Variants in ABCB9 observed in about 807,000 individuals in gnomAD.
ABCB9 encodes the protein ATP binding cassette subfamily B member 9.
In ABCB9, 36 loss-of-function variants were observed where a neutral mutation model predicts 62.0. The observed-to-expected ratio is 0.58, with a 90% confidence interval of 0.45 to 0.77. The LOEUF (loss-of-function observed/expected upper bound fraction) is 0.77. Among genes scored for constraint, ABCB9 ranks in the 30% least tolerant of loss-of-function variants. ABCB9 has a pLI of 0.00. For synonymous variants in ABCB9, 435 were observed against 461.4 expected (o/e 0.94, Z 0.73); for missense variants, 943 against 1,054.7 (o/e 0.89, Z 1.47).
chr12:122,950,567 T>G lies in ABCB9; in HGVS notation c.602-2A>C, dbSNP rs1368778230. On this transcript the variant is annotated splice_acceptor_variant, in intron 2 of 11. Coordinates refer to ENST00000280560, the MANE Select transcript of ABCB9 (RefSeq NM_019625.4). LOFTEE classifies it high-confidence loss of function. ...TGTAGTAGGGCAGGAAGGTCTCTCC[T>G]GGGGGAGGCAGGGCAGCCTCAGGGA... The G allele has an allele frequency of 6.2e-7, 1 of 1,610,482 alleles. No individual in the cohort carries two copies. The highest frequency in any genetic ancestry group is 1.3e-5 in the African/African-American group (1 of 74,914).
rs976837804 is a variant in ABCB9 at position 122,947,378 on chromosome 12, G to C, written c.1054-1156C>G. On this transcript the variant is annotated intron_variant, in intron 5 of 11. Transcript: ENST00000280560. The surrounding 1 kb of genome is among the most constrained non-coding windows in gnomAD (Gnocchi z 6.0). ...GTGGCTGGAGAAGACTGTGGGGAGT[G>C]GCCTCACCGGGGGCTGGGTGGGAGA... The C allele has an allele frequency of 5.1e-6, 2 of 392,422 alleles. No homozygotes were observed. Among genetic ancestry groups the C allele is most frequent in the African/African-American group, 4.1e-5 (2 of 48,920 alleles). 24.3% of individuals were successfully genotyped at this position (392,422 alleles called of 1,614,324 possible). A position where few individuals can be genotyped will look rare whatever the true frequency, so the allele number is the denominator to read the frequency against.
Position 122,944,023 on chromosome 12 carries a change from C to T in ABCB9, c.1380+368G>A, listed in dbSNP as rs2035903733. ...GTGCGATCTCAGCTCACTGCAACCT[C>T]TGCCTCCAGGGTTCAAGCAATTCTC... is the stretch of plus-strand genomic sequence containing the variant. On this transcript the variant is annotated intron_variant, in intron 7 of 11. Transcript: ENST00000280560. This position sits in a 1 kb window ranked among gnomAD's most constrained non-coding sequence, Gnocchi z 4.9. Among the ~76,000 whole-genome samples the T allele has an allele frequency of 6.6e-6, 1 of 152,220 alleles. No individual in the cohort carries two copies. The highest frequency in any genetic ancestry group is 6.5e-5 in the Admixed American group (1 of 15,276).
chr12:122,943,123 T>C (rs2035852514), intron 7 of ABCB9, among the ~76,000 whole-genome samples: 1 of 152,160 alleles, frequency 6.6e-6, no homozygotes. Flanking sequence ...CCTTGAGCAA[T>C]GGCTGATGGC....
At position 122,944,585 on chromosome 12, in the gene ABCB9, G is replaced by T; in HGVS notation, c.1252-66C>A. On this transcript the variant is annotated intron_variant, in intron 6 of 11. Transcript: ENST00000280560. This position sits in a 1 kb window ranked among gnomAD's most constrained non-coding sequence, Gnocchi z 4.9. ...AGATCCCCCACCATCCCCATTCCCT[G>T]ACCCATCCCAGGCTGCAGGGGGAGG... 6.3e-7 allele frequency: 1 copy of T among 1,586,990 alleles called. No individual in the cohort carries two copies. Among genetic ancestry groups the T allele is most frequent in the South Asian group, 1.1e-5 (1 of 88,874 alleles).
At chr12:122,922,763 T>C (rs2034780569) in intron 11 of ABCB9, among the ~76,000 whole-genome samples, 1 of 152,096 alleles carries the variant, frequency 6.6e-6, no homozygotes, top group African/African-American at 2.4e-5. Context: ...CCAACATGAA[T>C]TGGTTGTGTA....
chr12:122,960,032 C>G lies in ABCB9; in HGVS notation c.204G>C (p.Val68=). 1 of 1,613,486 alleles carries G rather than the reference C, an allele frequency of 6.2e-7. No homozygotes were observed. The highest frequency in any genetic ancestry group is 8.5e-7 in the Non-Finnish European group (1 of 1,180,044). Reference sequence around the variant, plus strand: ...GGGGCCCCAGCGCACTGTTCTTGGCCACACCAATGGTGGCTCCCAGCAGCA... The same window carrying G: ...GGGGCCCCAGCGCACTGTTCTTGGCGACACCAATGGTGGCTCCCAGCAGCA... ...SCLLLGATIG[V]AKNSALGPRR... The change falls in exon 2 of 12, where the codon GTG becomes GTC. Residue 68 remains valine, a synonymous_variant. Coordinates refer to ENST00000280560, the MANE Select transcript of ABCB9 (RefSeq NM_019625.4).
In ABCB9 at chr12:122,946,172, C is replaced by T. The variant is rs372668171; in HGVS notation, c.1104G>A (p.Ala368=). Residue 368 remains alanine (A), a synonymous_variant, in exon 6 of 12, where the codon GCG becomes GCA. Coordinates refer to ENST00000280560, the MANE Select transcript of ABCB9 (RefSeq NM_019625.4). The part of the protein sequence containing the change: ...QNALARASNT[A]EETISAMKTV... Reference sequence around the variant, plus strand: ...TCTTCATGGCACTGATGGTCTCCTCCGCCGTGTTGCTCGCTCTGGCCAGGG... The same window carrying T: ...TCTTCATGGCACTGATGGTCTCCTCTGCCGTGTTGCTCGCTCTGGCCAGGG... 3.5e-5 allele frequency: 57 copies of T among 1,614,036 alleles called. No homozygotes were observed. In the East Asian group the frequency reaches 6.7e-4, roughly 19 times the overall value.
intron 9 of ABCB9, among the ~76,000 whole-genome samples, chr12:122,937,625 G>A (rs926401650): frequency 6.6e-6 from 1 of 152,180 alleles, no homozygotes; most frequent in Non-Finnish European, 1.5e-5. Flanking sequence ...AAACTTTGGT[G>A]AGCAGCAGCC....
chr12:122,934,924 T>G (rs2035378475), intron 10 of ABCB9, among the ~76,000 whole-genome samples: 1 of 151,952 alleles, frequency 6.6e-6, no homozygotes, highest in African/African-American at 2.4e-5. Context: ...GAGAGCTGCC[T>G]CCTCCTCTGC....
At chr12:122,939,926 A>T in intron 9 of ABCB9, 185 bp downstream of exon 9, 1 of 804,708 alleles carries the variant, frequency 1.2e-6, no homozygotes, top group Non-Finnish European at 1.9e-6. Flanking sequence ...TGCTGGGATT[A>T]CAGGTGTGAG....
In ABCB9 at chr12:122,934,640, C is replaced by CAA. The variant is rs371538708; in HGVS notation, c.1903+630_1903+631dup. On this transcript the variant is annotated intron_variant, in intron 10 of 11. Coordinates refer to ENST00000280560, the MANE Select transcript of ABCB9 (RefSeq NM_019625.4). ...TGGGTGACAGAGCAAGCCCCTGCCT[C>CAA]AAAAAAAAAAAAAAAACTAAAAAAA... Among the ~76,000 whole-genome samples, 147 of 88,072 alleles carry CAA rather than the reference C, an allele frequency of 1.7e-3. 1 individual carries two copies. Among genetic ancestry groups the CAA allele is most frequent in the Admixed American group, 2.3e-3 (18 of 7,870 alleles). The allele number at this position is 88,072 out of a possible 152,430, so 57.8% of individuals were successfully genotyped here.
downstream of ABCB9, among the ~76,000 whole-genome samples, chr12:122,919,353 G>T (rs1421005831): frequency 6.6e-6 from 1 of 151,914 alleles, no homozygotes; most frequent in Non-Finnish European, 1.5e-5. Flanking sequence ...TTAAATTTTT[G>T]TAGGGATGGG....
intron 1 of ABCB9, among the ~76,000 whole-genome samples, chr12:122,972,685 A>G (rs988476663): frequency 2.0e-5 from 3 of 151,840 alleles, no homozygotes; most frequent in African/African-American, 7.3e-5. Context: ...TAATTTTGTT[A>G]TATTTTTAGT....
chr12:122,921,987 G>C (rs1401660179), intron 11 of ABCB9, among the ~76,000 whole-genome samples: 1 of 152,158 alleles, frequency 6.6e-6, no homozygotes, highest in African/African-American at 2.4e-5. Flanking sequence ...CCCTGTTTCA[G>C]GCTGGGCTCA....
chr12:122,975,007 A>G (rs1393148079), exon 1 of ABCB9: 1 of 400,106 alleles, frequency 2.5e-6, no homozygotes, highest in Non-Finnish European at 4.5e-6. Context: ...GCTGTCTGTA[A>G]AGTGGAGCCA....
intron 1 of ABCB9, among the ~76,000 whole-genome samples, chr12:122,971,660 C>T (rs1218636576): frequency 6.6e-6 from 1 of 152,038 alleles, no homozygotes; most frequent in Non-Finnish European, 1.5e-5. Flanking sequence ...CCATGTTGAC[C>T]AGGCTGGTCT....
chr12:122,956,494 G>A (rs543605495), intron 2 of ABCB9, among the ~76,000 whole-genome samples: 1 of 152,188 alleles, frequency 6.6e-6, no homozygotes, highest in African/African-American at 2.4e-5. Flanking sequence ...CTCTGTCTCT[G>A]TCAGTTAACA....
intron 2 of ABCB9, among the ~76,000 whole-genome samples, chr12:122,955,933 A>G (rs2036593449): frequency 1.3e-5 from 2 of 152,138 alleles, no homozygotes; most frequent in African/African-American, 4.8e-5. Flanking sequence ...GCTAGTCTCG[A>G]ACTCCTAACC....
At chr12:122,925,435 A>C (rs2034872361), downstream of ABCB9, among the ~76,000 whole-genome samples, 1 of 152,206 alleles carries the variant, frequency 6.6e-6, no homozygotes, top group Admixed American at 6.5e-5. Flanking sequence ...GAGAGGCGAA[A>C]GCAAACTCCC....
Sources: gnomAD v4.1 joint callset for allele counts (sites outside exome capture counted in the v4.1 genomes callset) on GRCh38, gnomAD v4.1.1 for gene constraint, Gnocchi (gnomAD v3.1) non-coding constraint, MANE v1.5 for transcripts, NCBI Gene and HGNC (gene_info 2026-07-23, HGNC 2026-07-21) for gene names.